The following ARHGAP32 variants were observed in gnomAD, a reference collection of about 807,000 sequenced individuals.
ARHGAP32 encodes rho GTPase-activating protein 32.
A neutral mutation model predicts 186.5 loss-of-function variants in ARHGAP32; 51 were observed. The ratio of observed to expected loss-of-function variants is 0.27; its 90% CI spans 0.22 to 0.35. The LOEUF (loss-of-function observed/expected upper bound fraction) is 0.35, where lower values mean the gene tolerates loss of function less well. Among genes scored for constraint, ARHGAP32 ranks in the 10% least tolerant of loss-of-function variants. The pLI is 1.00. For missense variants in ARHGAP32, 2,186 were observed against 2,623.5 expected, an observed-to-expected ratio of 0.83 and a Z score of 3.64; for synonymous variants, 950 against 964.3, an observed-to-expected ratio of 0.99 and a Z score of 0.27.
At chr11:129,064,431 G>A (rs570639112) in intron 8 of ARHGAP32, among the ~76,000 whole-genome samples, 2 of 152,100 alleles carry the variant, frequency 1.3e-5, no homozygotes, top group East Asian at 3.9e-4. Context: ...TGCACATTAA[G>A]AATAAATATG....
intron 1 of ARHGAP32, among the ~76,000 whole-genome samples, chr11:129,209,457 A>T (rs570035658): frequency 2.6e-5 from 4 of 151,726 alleles, no homozygotes; most frequent in African/African-American, 9.7e-5. Flanking sequence ...AAGTAAATAT[A>T]AAAAAAAGTA....
chr11:128,987,013 T>TC (rs1304765861), intron 13 of ARHGAP32, among the ~76,000 whole-genome samples: 1 of 152,192 alleles, frequency 6.6e-6, no homozygotes, highest in Non-Finnish European at 1.5e-5. Flanking sequence ...TTTTGGCAAT[T>TC]CCAGAGACTA....
At chr11:128,985,856 G>A (rs12794809) in intron 15 of ARHGAP32, 147 bp downstream of exon 15, 7,756 of 110,110 alleles carry the variant, frequency 0.07, 269 homozygotes, top group Middle Eastern at 0.13. Context: ...GTGTGTGTGT[G>A]TGTATATATA....
chr11:129,098,811 T>C (rs1196351974), intron 5 of ARHGAP32, among the ~76,000 whole-genome samples: 1 of 152,216 alleles, frequency 6.6e-6, no homozygotes, highest in African/African-American at 2.4e-5. Flanking sequence ...AATTTTGTGA[T>C]AATCAACAAC....
intron 1 of ARHGAP32, among the ~76,000 whole-genome samples, chr11:129,242,749 C>A (rs1428376287): frequency 4.6e-5 from 7 of 151,382 alleles, no homozygotes; most frequent in Admixed American, 2.0e-4. Flanking sequence ...AAAAAGAAAT[C>A]TAGAATGATC....
At chr11:129,164,465 C>G in intron 1 of ARHGAP32, 38 bp from the exon 2 acceptor site, 2 of 1,214,882 alleles carry the variant, frequency 1.6e-6, no homozygotes, top group Non-Finnish European at 2.3e-6. Context: ...ATAAGAATTT[C>G]CAATTCTATG....
At chr11:129,080,977 T>C (rs560037384) in intron 6 of ARHGAP32, among the ~76,000 whole-genome samples, 15 of 152,068 alleles carry the variant, frequency 9.9e-5, no homozygotes, top group African/African-American at 3.6e-4. Context: ...ATGAACTACT[T>C]TAAATGTGCA....
At chr11:129,192,052 A>C in intron 1 of ARHGAP32, 31 bp downstream of exon 1, 2 of 1,525,522 alleles carry the variant, frequency 1.3e-6, no homozygotes, top group Non-Finnish European at 1.8e-6. Flanking sequence ...GGGAGTGGAC[A>C]GGACAAAGGA....
intron 6 of ARHGAP32, among the ~76,000 whole-genome samples, chr11:129,076,202 C>A (rs748677633): frequency 6.6e-6 from 1 of 152,170 alleles, no homozygotes; most frequent in Non-Finnish European, 1.5e-5. Context: ...AACTACCCAC[C>A]CTTTTTCCCT....
intron 11 of ARHGAP32, among the ~76,000 whole-genome samples, chr11:129,002,006 ACT>A (rs1565368909): frequency 2.0e-5 from 3 of 151,570 alleles, no homozygotes; most frequent in Non-Finnish European, 2.9e-5. Flanking sequence ...GGTTATTGTA[ACT>A]CTGTAATATA....
chr11:129,060,560 C>G (rs528864), intron 10 of ARHGAP32, among the ~76,000 whole-genome samples: 18,858 of 152,092 alleles, frequency 0.12, 1,334 homozygotes, highest in Non-Finnish European at 0.15. Context: ...TAACTGTAGT[C>G]TTCTATTTAG....
At chr11:129,177,483 A>C (rs1943945108) in intron 1 of ARHGAP32, among the ~76,000 whole-genome samples, 1 of 152,184 alleles carries the variant, frequency 6.6e-6, no homozygotes, top group African/African-American at 2.4e-5. Context: ...AGACACAACC[A>C]AAAAAGAGAA....
intron 11 of ARHGAP32, among the ~76,000 whole-genome samples, chr11:129,009,780 A>C (rs1392390694): frequency 6.6e-6 from 1 of 152,116 alleles, no homozygotes; most frequent in African/African-American, 2.4e-5. Flanking sequence ...TGTTGTGAAC[A>C]GTGCTGCAGT....
chr11:129,079,344 G>A (rs939433404), intron 6 of ARHGAP32, among the ~76,000 whole-genome samples: 2 of 152,030 alleles, frequency 1.3e-5, no homozygotes, highest in Admixed American at 6.6e-5. Context: ...AGAGCTGTGA[G>A]GCAAAAGCAT....
intron 2 of ARHGAP32, among the ~76,000 whole-genome samples, chr11:129,157,199 C>T (rs1376107523): frequency 6.6e-6 from 1 of 151,944 alleles, no homozygotes; most frequent in Non-Finnish European, 1.5e-5. Context: ...TCCTTGCCAG[C>T]AAGGGAAGAA....
intron 1 of ARHGAP32, among the ~76,000 whole-genome samples, chr11:129,216,608 C>A (rs1268173705): frequency 6.8e-6 from 1 of 146,704 alleles, no homozygotes; most frequent in Non-Finnish European, 1.5e-5. Flanking sequence ...GAGGCAGAGG[C>A]TGCAGTGAGC....
At chr11:128,989,515 T>TTC (rs754023989) in intron 12 of ARHGAP32, among the ~76,000 whole-genome samples, 3 of 87,184 alleles carry the variant, frequency 3.4e-5, no homozygotes, top group African/African-American at 1.8e-4. Flanking sequence ...TGTTTTTTAT[T>TTC]TCACACACAC....
intron 6 of ARHGAP32, among the ~76,000 whole-genome samples, chr11:129,072,173 G>T (rs748786004): frequency 4.0e-4 from 61 of 152,108 alleles, no homozygotes; most frequent in Non-Finnish European, 5.9e-4. Flanking sequence ...AAAAAGAAAT[G>T]TGTTGGTCTC....
intron 11 of ARHGAP32, among the ~76,000 whole-genome samples, chr11:129,033,457 C>T (rs1047565803): frequency 6.6e-6 from 1 of 152,124 alleles, no homozygotes; most frequent in Non-Finnish European, 1.5e-5. Flanking sequence ...TAAGTATGTA[C>T]TAAAGAGTCA....
Sources: gnomAD v4.1 joint callset for allele counts (sites outside exome capture counted in the v4.1 genomes callset) on GRCh38, gnomAD v4.1.1 for gene constraint, MANE v1.5 for transcripts, NCBI Gene and HGNC (gene_info 2026-07-23, HGNC 2026-07-21) for gene names.